The following RPL12 variants were observed in gnomAD, a reference collection of about 807,000 sequenced individuals.
The protein encoded by RPL12 is large ribosomal subunit protein uL11.
RPL12 carries 10 observed loss-of-function variants against 24.5 expected under a neutral mutation model. The observed-to-expected ratio is 0.41, with a 90% confidence interval of 0.25 to 0.69. The LOEUF is 0.69. Among genes scored for constraint, RPL12 ranks in the 30% least tolerant of loss-of-function variants. The pLI is 0.33. For missense variants in RPL12, 137 were observed against 205.3 expected (o/e 0.67, Z 2.03); for synonymous variants, 74 against 76.1 (o/e 0.97, Z 0.14).
At chr9:127,448,278 T>G (rs779974274) in intron 5 of RPL12, 59 bp downstream of exon 5, 34 of 1,346,562 alleles carry the variant, frequency 2.5e-5, no homozygotes, top group Non-Finnish European at 9.6e-6. Context: ...AGAAGAATGT[T>G]ATCACTCAGT....
intron 4 of RPL12, 197 bp from the exon 5 acceptor site, chr9:127,448,620 G>A: frequency 4.0e-6 from 3 of 754,788 alleles, no homozygotes; most frequent in East Asian, 2.5e-5. Flanking sequence ...CTGGTCAGGT[G>A]CAGTGGCGGG....
chr9:127,450,629 G>T, intron 2 of RPL12, 102 bp downstream of exon 2: 1 of 853,934 alleles, frequency 1.2e-6, no homozygotes. Context: ...GAGGGTGACA[G>T]TCCAAGCCAC....
At chr9:127,449,058 C>A (rs1834222426) in intron 4 of RPL12, 4 of 461,608 alleles carry the variant, frequency 8.7e-6, no homozygotes, top group South Asian at 8.6e-5. Context: ...AACTCCTGAT[C>A]TCAACTGATC....
At chr9:127,448,513 G>A (rs1168529713) in intron 4 of RPL12, 90 bp from the exon 5 acceptor site, 1 of 896,292 alleles carries the variant, frequency 1.1e-6, no homozygotes, top group African/African-American at 1.6e-5. Context: ...CTGTTCCCAT[G>A]CTTTCGGCAC....
chr9:127,449,478 TGACA>T (rs1834230617), intron 3 of RPL12, 116 bp from the exon 4 acceptor site: 3 of 1,300,004 alleles, frequency 2.3e-6, no homozygotes, highest in Non-Finnish European at 3.3e-6. Context: ...TCCGTACTCT[TGACA>T]AAGCCTCCCC....
intron 2 of RPL12, chr9:127,450,188 A>G (rs981267265): frequency 2.3e-5 from 4 of 175,344 alleles, no homozygotes; most frequent in African/African-American, 9.6e-5. Flanking sequence ...CCAATGGGGA[A>G]GAGCATTTGG....
chr9:127,449,868 T>C, intron 2 of RPL12, 160 bp from the exon 3 acceptor site: 4 of 633,586 alleles, frequency 6.3e-6, no homozygotes, highest in African/African-American at 3.6e-5. Context: ...AAATTGGGGG[T>C]TGGGGTTCTT....
At position 127,448,366 on chromosome 9, in the gene RPL12, C is replaced by T. The variant is rs141909964; in HGVS notation, c.350G>A (p.Arg117Gln). Residue 117 changes from arginine (R) to glutamine (Q), a missense_variant, in exon 5 of 7, where the codon CGG (arginine) becomes CAG (glutamine). Transcript: ENST00000361436. The stretch of plus-strand genomic sequence containing the variant: ...GAGTTCTCTGGCTAAGGATCGGTGC[C>T]GCATCTGTCGAGCAATGTTGACAAT... ...DEIVNIARQM[R>Q]HRSLARELSG... 22 of 1,613,746 alleles carry T rather than the reference C, an allele frequency of 1.4e-5. No homozygotes were observed. Among genetic ancestry groups the T allele is most frequent in the African/African-American group, 2.7e-5 (2 of 74,924 alleles).
chr9:127,450,842 G>C (rs759431844), intron 1 of RPL12, 38 bp from the exon 2 acceptor site: 3 of 1,438,502 alleles, frequency 2.1e-6, no homozygotes, highest in Non-Finnish European at 2.8e-6. Context: ...TGCAGAGGGA[G>C]CCCCGAGCCA....
chr9:127,448,090 G>T, intron 5 of RPL12, 101 bp from the exon 6 acceptor site: 2 of 1,373,642 alleles, frequency 1.5e-6, no homozygotes, highest in South Asian at 1.4e-5. Flanking sequence ...GCAATGGAAG[G>T]AATGAGGTTC....
intron 2 of RPL12, chr9:127,450,260 G>C (rs866181291): frequency 2.4e-5 from 4 of 168,472 alleles, no homozygotes; most frequent in Non-Finnish European, 5.1e-5. Flanking sequence ...AAATCCAAGA[G>C]GACAGAATGA....
At chr9:127,449,490 C>T in intron 3 of RPL12, 120 bp downstream of exon 3, 1 of 1,298,440 alleles carries the variant, frequency 7.7e-7, no homozygotes, top group Admixed American at 2.0e-5. Context: ...ACAAAGCCTC[C>T]CCAACAAGGT....
At chr9:127,450,975 C>T (rs991400962) in intron 1 of RPL12, 171 bp from the exon 2 acceptor site, 1 of 652,780 alleles carries the variant, frequency 1.5e-6, no homozygotes, top group South Asian at 2.0e-5. Flanking sequence ...AAACTCACAC[C>T]GGGGAGGCGT....
chr9:127,448,849 G>A (rs1189003916), intron 4 of RPL12, among the ~76,000 whole-genome samples: 2 of 96,594 alleles, frequency 2.1e-5, no homozygotes, highest in Non-Finnish European at 4.5e-5. Context: ...TTTTTTTTTT[G>A]AGACGGAGTC....
chr9:127,449,981 A>G, intron 2 of RPL12: 1 of 418,728 alleles, frequency 2.4e-6, no homozygotes. Flanking sequence ...CTGACATTAG[A>G]ATCACCTAAG....
intron 4 of RPL12, 29 bp from the exon 5 acceptor site, chr9:127,448,452 TTTAA>T (rs768099107): frequency 6.8e-7 from 1 of 1,480,662 alleles, no homozygotes; most frequent in East Asian, 2.3e-5. Flanking sequence ...CAAAAGCTCT[TTTAA>T]AGTCTGAAGC....
rs777810544 is a variant in RPL12 at position 127,449,382 on chromosome 9, G to GTGAA, written c.211-24_211-21dup. ...CTCAATCTGCAGAAGAGATTCCTGAGTGAATACTCCACCTCCAGTGAATAC... is the reference window on the plus strand; with the variant it reads ...CTCAATCTGCAGAAGAGATTCCTGAGTGAATGAATACTCCACCTCCAGTGAATAC... On this transcript the variant is annotated intron_variant, in intron 3 of 6. Coordinates refer to ENST00000361436, the MANE Select transcript of RPL12 (RefSeq NM_000976.4). 6.3e-7 allele frequency: 1 copy of GTGAA among 1,599,116 alleles called. No homozygotes were observed. The highest frequency in any genetic ancestry group is 1.7e-5 in the Admixed American group (1 of 59,902).
chr9:127,451,380 G>T lies in RPL12; in HGVS notation c.-63C>A. The stretch of plus-strand genomic sequence containing the variant: ...GACGACCGAAGGAAGTTGCACCTTG[G>T]CCTCCTCCGAGCCGAAAGCCGAGAG... On this transcript the variant is annotated 5_prime_UTR_variant, in exon 1 of 7. Coordinates refer to ENST00000361436, the MANE Select transcript of RPL12 (RefSeq NM_000976.4). The T allele has an allele frequency of 6.2e-7, 1 of 1,602,410 alleles. No individual in the cohort carries two copies. The highest frequency in any genetic ancestry group is 1.3e-5 in the African/African-American group (1 of 74,842).
chr9:127,451,158 C>T, intron 1 of RPL12, 123 bp downstream of exon 1: 1 of 1,335,270 alleles, frequency 7.5e-7, no homozygotes, highest in Non-Finnish European at 1.0e-6. Context: ...CGGGGCGGCG[C>T]AACACCGGGA....
Sources: gnomAD v4.1 joint callset for allele counts (sites outside exome capture counted in the v4.1 genomes callset) on GRCh38, gnomAD v4.1.1 for gene constraint, MANE v1.5 for transcripts, NCBI Gene and HGNC (gene_info 2026-07-23, HGNC 2026-07-21) for gene names.